The following GLP1R variants were observed in gnomAD, a reference collection of about 807,000 sequenced individuals.
GLP1R encodes the protein glucagon-like peptide 1 receptor.
In GLP1R, 32 loss-of-function variants were observed where a neutral mutation model predicts 68.4. The ratio of observed to expected loss-of-function variants is 0.47; its 90% CI spans 0.35 to 0.63. GLP1R has a LOEUF of 0.63. Among genes scored for constraint, GLP1R ranks in the 20% least tolerant of loss-of-function variants. GLP1R has a pLI of 0.00. For missense variants in GLP1R, 502 were observed against 594.9 expected (o/e 0.84, Z 1.62); for synonymous variants, 263 against 244.4 (o/e 1.08, Z -0.71).
In GLP1R at chr6:39,066,346, C is replaced by G. The variant is rs772608097; in HGVS notation, c.509+43C>G. 3.8e-6 allele frequency: 4 copies of G among 1,046,964 alleles called. No homozygotes were observed. In the South Asian group the frequency reaches 5.1e-5, roughly 13 times the overall value. The allele number at this position is 1,046,964 out of a possible 1,614,324, so 64.9% of individuals were successfully genotyped here. A position where few individuals can be genotyped will look rare whatever the true frequency, so the allele number is the denominator to read the frequency against. On this transcript the variant is annotated intron_variant, in intron 5 of 12. Transcript: ENST00000373256. ...CTGGGAGGGGGCTGCTTCATCCTAA[C>G]TCCCCCAGATAGAGGAATGAAGCAG...
In GLP1R at chr6:39,049,216, T is replaced by C. The variant is rs1768031275; in HGVS notation, c.78+298T>C. ...CCCGCGGCCGCCCTGCGCTGACTTC[T>C]GCTCCGCTTCTCCTTTGTCCCCAGC... On this transcript the variant is annotated intron_variant, in intron 1 of 12. Transcript: ENST00000373256. This position sits in a 1 kb window ranked among gnomAD's most constrained non-coding sequence, Gnocchi z 4.5. 6.6e-6 allele frequency among the ~76,000 whole-genome samples: 1 copy of C among 152,162 alleles called. No homozygotes were observed. The highest frequency in any genetic ancestry group is 6.5e-5 in the Admixed American group (1 of 15,292).
intron 1 of GLP1R, among the ~76,000 whole-genome samples, chr6:39,054,755 C>T (rs542888307): frequency 2.0e-5 from 3 of 152,254 alleles, no homozygotes; most frequent in East Asian, 1.9e-4. Flanking sequence ...GGGATTTCTC[C>T]GTCTCTCTGC....
chr6:39,071,142 C>T (rs997158506), intron 5 of GLP1R, among the ~76,000 whole-genome samples: 3 of 151,834 alleles, frequency 2.0e-5, no homozygotes, highest in African/African-American at 7.3e-5. Context: ...GTCAGGAGAT[C>T]GAGACCATCC....
chr6:39,076,948 C>G (rs1768845727), intron 7 of GLP1R, among the ~76,000 whole-genome samples: 1 of 152,174 alleles, frequency 6.6e-6, no homozygotes, highest in Admixed American at 6.5e-5. Flanking sequence ...ACCCTGAGCT[C>G]TCAGGGTGAT....
chr6:39,062,178 G>A (rs1312183892), intron 3 of GLP1R, among the ~76,000 whole-genome samples: 1 of 152,196 alleles, frequency 6.6e-6, no homozygotes, highest in Non-Finnish European at 1.5e-5. Flanking sequence ...TTAATTGGGG[G>A]TTTTATTTCC....
chr6:39,066,145 G>A, intron 4 of GLP1R, 52 bp from the exon 5 acceptor site: 1 of 1,018,970 alleles, frequency 9.8e-7, no homozygotes, highest in Non-Finnish European at 1.5e-6. Flanking sequence ...GAAGATTGTG[G>A]GAAGAGGGCC....
At chr6:39,078,219 G>A in intron 7 of GLP1R, 103 bp from the exon 8 acceptor site, 2 of 833,862 alleles carry the variant, frequency 2.4e-6, no homozygotes, top group Non-Finnish European at 4.2e-6. Flanking sequence ...CAAGGAGAGG[G>A]GCTGGAAGTG....
At position 39,072,871 on chromosome 6, in the gene GLP1R, C is replaced by T. The variant is rs200772674; in HGVS notation, c.519C>T (p.His173=). Residue 173 remains histidine (H), a synonymous_variant, in exon 6 of 13, where the codon CAC becomes CAT. Coordinates refer to ENST00000373256, the MANE Select transcript of GLP1R (RefSeq NM_002062.5). ...CTGCTTTCTCCCTCAGACACCTGCA[C>T]TGCACCAGGAACTACATCCACCTGA... ...SAILLGFRHL[H]CTRNYIHLNL... 6.2e-7 allele frequency: 1 copy of T among 1,613,864 alleles called. No homozygotes were observed. Among genetic ancestry groups the T allele is most frequent in the Non-Finnish European group, 8.5e-7 (1 of 1,179,832 alleles).
Position 39,089,927 on chromosome 6 carries a change from A to T in GLP1R, c.*3854A>T, listed in dbSNP as rs1239035415. 6.6e-6 allele frequency among the ~76,000 whole-genome samples: 1 copy of T among 152,212 alleles called. No homozygotes were observed. Among genetic ancestry groups the T allele is most frequent in the Admixed American group, 6.5e-5 (1 of 15,284 alleles). ...GGCTCCTACGAGGCAAACTATAAAAATTCTCAAATAAAATACAGAGGCTTA... is the reference window on the plus strand; with the variant it reads ...GGCTCCTACGAGGCAAACTATAAAATTTCTCAAATAAAATACAGAGGCTTA... On this transcript the variant is annotated 3_prime_UTR_variant, in exon 13 of 13. Transcript: ENST00000373256. This position sits in a 1 kb window ranked among gnomAD's most constrained non-coding sequence, Gnocchi z 4.1.
intron 3 of GLP1R, among the ~76,000 whole-genome samples, chr6:39,062,227 C>T (rs1370686351): frequency 6.6e-6 from 1 of 152,196 alleles, no homozygotes; most frequent in African/African-American, 2.4e-5. Flanking sequence ...CCCTGGGCCT[C>T]CTGGCATGTG....
intron 7 of GLP1R, among the ~76,000 whole-genome samples, chr6:39,076,436 G>T (rs1768830047): frequency 6.6e-6 from 1 of 152,124 alleles, no homozygotes; most frequent in African/African-American, 2.4e-5. Flanking sequence ...TGGGCCAGGA[G>T]AGAGAGAGCT....
In GLP1R at chr6:39,087,530, G is replaced by A. The variant is rs1164265800; in HGVS notation, c.*1457G>A. On this transcript the variant is annotated 3_prime_UTR_variant, in exon 13 of 13. Transcript: ENST00000373256. Reference sequence around the variant, plus strand: ...TGCAAAAGAAGTTTCTGGAGCAAGAGAGAGCTCGCTCTTGGGAGTCAGGAC... The same window carrying A: ...TGCAAAAGAAGTTTCTGGAGCAAGAAAGAGCTCGCTCTTGGGAGTCAGGAC... 1 of 152,296 alleles carries A rather than the reference G, an allele frequency of 6.6e-6. No homozygotes were observed. Among genetic ancestry groups the A allele is most frequent in the Non-Finnish European group, 1.5e-5 (1 of 68,120 alleles). The allele number at this position is 152,296 out of a possible 1,614,324, so 9.4% of individuals were successfully genotyped here. A position where few individuals can be genotyped will look rare whatever the true frequency, so the allele number is the denominator to read the frequency against.
chr6:39,076,650 G>A (rs898734582), intron 7 of GLP1R, among the ~76,000 whole-genome samples: 1 of 152,130 alleles, frequency 6.6e-6, no homozygotes, highest in Non-Finnish European at 1.5e-5. Flanking sequence ...GATTCCCAAA[G>A]TCATACGTGC....
chr6:39,058,529 C>T (rs943263284), intron 3 of GLP1R, among the ~76,000 whole-genome samples: 1 of 152,130 alleles, frequency 6.6e-6, no homozygotes, highest in African/African-American at 2.4e-5. Context: ...CTATCTATCC[C>T]AGCCTCCCTT....
chr6:39,065,605 G>T (rs112949135), intron 3 of GLP1R, 106 bp from the exon 4 acceptor site: 3 of 660,676 alleles, frequency 4.5e-6, no homozygotes, highest in Non-Finnish European at 8.1e-6. Flanking sequence ...AGTCCATTCT[G>T]GGGGAGCAGG....
In GLP1R at chr6:39,073,568, G is replaced by A. The variant is rs199982389; in HGVS notation, c.664-42G>A. On this transcript the variant is annotated intron_variant, in intron 6 of 12. Coordinates refer to ENST00000373256, the MANE Select transcript of GLP1R (RefSeq NM_002062.5). Reference sequence around the variant, plus strand: ...GGGAGTGGTATCAAGAGAGGCAGAGGGCAGAGCTGTTGTCCCCATGACACC... The same window carrying A: ...GGGAGTGGTATCAAGAGAGGCAGAGAGCAGAGCTGTTGTCCCCATGACACC... The A allele has an allele frequency of 1.3e-5, 21 of 1,583,260 alleles. No homozygotes were observed. The South Asian group carries it at 2.2e-4, about 17-fold the overall frequency.
chr6:39,078,906 G>A (rs770632711), intron 8 of GLP1R, 51 bp from the exon 9 acceptor site: 2 of 1,487,666 alleles, frequency 1.3e-6, no homozygotes, highest in Non-Finnish European at 1.9e-6. Flanking sequence ...CCTGAGCTGG[G>A]GGTCCTGTGA....
chr6:39,057,712 G>T, intron 3 of GLP1R, 133 bp downstream of exon 3: 1 of 622,482 alleles, frequency 1.6e-6, no homozygotes, highest in Non-Finnish European at 2.9e-6. Context: ...GCCAGCAGTG[G>T]TGAGCCCCCT....
chr6:39,065,487 C>T (rs1038674581), intron 3 of GLP1R, among the ~76,000 whole-genome samples: 1 of 152,214 alleles, frequency 6.6e-6, no homozygotes, highest in Non-Finnish European at 1.5e-5. Flanking sequence ...TTGGTGGCCC[C>T]CTGTCTTGTC....
Sources: gnomAD v4.1 joint callset for allele counts (sites outside exome capture counted in the v4.1 genomes callset) on GRCh38, gnomAD v4.1.1 for gene constraint, Gnocchi (gnomAD v3.1) non-coding constraint, MANE v1.5 for transcripts, NCBI Gene and HGNC (gene_info 2026-07-23, HGNC 2026-07-21) for gene names.